Variants in TBCK observed in about 807,000 individuals in gnomAD.
TBCK encodes the protein TBC1 domain containing kinase, also known as TBC domain-containing protein kinase-like protein.
A neutral mutation model predicts 113.4 loss-of-function variants in TBCK; 99 were observed. The observed-to-expected ratio is 0.87, with a 90% CI of 0.74 to 1.03. TBCK has a LOEUF of 1.03. Ranked by LOEUF, TBCK falls within the 50% of genes least tolerant of loss-of-function variation. The pLI, the probability that TBCK is intolerant of heterozygous loss-of-function variation, is 0.00. For synonymous variants in TBCK, 369 were observed against 370.8 expected (o/e 1.00, Z 0.05); for missense variants, 1,045 against 1,061.3 (o/e 0.98, Z 0.21).
At chr4:106,201,430 T>C (rs1322055117) in intron 20 of TBCK, among the ~76,000 whole-genome samples, 1 of 152,100 alleles carries the variant, frequency 6.6e-6, no homozygotes, top group Non-Finnish European at 1.5e-5. Context: ...GAGATATTAT[T>C]AGCTATTTCC....
At chr4:106,128,716 G>A (rs1246920366) in intron 23 of TBCK, among the ~76,000 whole-genome samples, 1 of 152,074 alleles carries the variant, frequency 6.6e-6, no homozygotes, top group South Asian at 2.1e-4. Flanking sequence ...TTAGGGTAAT[G>A]TATATAAGTA....
chr4:106,175,326 A>T (rs1751533715), intron 22 of TBCK, among the ~76,000 whole-genome samples: 1 of 148,052 alleles, frequency 6.8e-6, no homozygotes, highest in Non-Finnish European at 1.5e-5. Flanking sequence ...GATTCTACAT[A>T]TTTACAAGAA....
chr4:106,251,561 T>C (rs1050561828), intron 6 of TBCK, among the ~76,000 whole-genome samples: 2 of 151,956 alleles, frequency 1.3e-5, no homozygotes, highest in African/African-American at 2.4e-5. Context: ...CTTTTAATGG[T>C]ACTCCATATA....
intron 22 of TBCK, among the ~76,000 whole-genome samples, chr4:106,184,489 C>A (rs565342370): frequency 6.2e-4 from 94 of 152,006 alleles, no homozygotes; most frequent in African/African-American, 2.2e-3. Context: ...TTACAGATTA[C>A]CACTGGATCA....
chr4:106,181,325 T>C (rs1194168242), intron 22 of TBCK, among the ~76,000 whole-genome samples: 1 of 152,230 alleles, frequency 6.6e-6, no homozygotes, highest in African/African-American at 2.4e-5. Flanking sequence ...GGTTGCCTGT[T>C]CACTCTGATG....
intron 23 of TBCK, chr4:106,164,483 A>T (rs958953324): frequency 2.0e-5 from 3 of 151,938 alleles, no homozygotes; most frequent in Non-Finnish European, 4.4e-5. Context: ...GAGAAAAATT[A>T]AAAAATGCTT....
At chr4:106,179,450 C>A (rs910416585) in intron 22 of TBCK, among the ~76,000 whole-genome samples, 2 of 151,892 alleles carry the variant, frequency 1.3e-5, no homozygotes, top group Non-Finnish European at 2.9e-5. Flanking sequence ...TTCATTTGCA[C>A]ATTTTCTGTT....
intron 3 of TBCK, among the ~76,000 whole-genome samples, chr4:106,286,752 A>G (rs904288474): frequency 6.6e-6 from 1 of 152,100 alleles, no homozygotes; most frequent in Non-Finnish European, 1.5e-5. Flanking sequence ...GCTTGAGCCC[A>G]GGAGGTCAAG....
At chr4:106,095,693 C>A (rs1379376311) in intron 24 of TBCK, 52 bp from the exon 25 acceptor site, 14 of 1,535,320 alleles carry the variant, frequency 9.1e-6, no homozygotes, top group Non-Finnish European at 1.2e-5. Flanking sequence ...TCCTGAGTGT[C>A]TGAGGGAAAC....
intron 20 of TBCK, among the ~76,000 whole-genome samples, chr4:106,205,601 A>AC (rs1309717567): frequency 4.7e-5 from 7 of 149,318 alleles, no homozygotes; most frequent in Non-Finnish European, 7.4e-5. Context: ...AAAAAAAAAA[A>AC]AAAAAAAAAA....
intron 19 of TBCK, among the ~76,000 whole-genome samples, chr4:106,224,770 T>G (rs1390059483): frequency 6.6e-6 from 1 of 152,178 alleles, no homozygotes; most frequent in African/African-American, 2.4e-5. Flanking sequence ...CATTTTACAC[T>G]CTTTTACTTC....
In TBCK at chr4:106,043,480, A is replaced by G. The variant is rs1301691946; in HGVS notation, c.*3090T>C. ...ATTTTATATTAATTGAGCATATCCA[A>G]TGTGGTGGGTTGCTGAAGGTAGCAA... On this transcript the variant is annotated 3_prime_UTR_variant, in exon 26 of 26. Transcript: ENST00000394708. 4 of 152,150 alleles carry G rather than the reference A, an allele frequency of 2.6e-5. No homozygotes were observed. The highest frequency in any genetic ancestry group is 9.7e-5 in the African/African-American group (4 of 41,430). 9.4% of individuals were successfully genotyped at this position (152,150 alleles called of 1,614,324 possible). A position where few individuals can be genotyped will look rare whatever the true frequency, so the allele number is the denominator to read the frequency against.
intron 3 of TBCK, among the ~76,000 whole-genome samples, chr4:106,280,439 C>G (rs1245423288): frequency 6.6e-6 from 1 of 151,988 alleles, no homozygotes; most frequent in Non-Finnish European, 1.5e-5. Context: ...TGATGTGATG[C>G]CATTTGTCCA....
At chr4:106,059,626 C>G (rs753894547) in intron 25 of TBCK, among the ~76,000 whole-genome samples, 7 of 151,622 alleles carry the variant, frequency 4.6e-5, no homozygotes, top group Middle Eastern at 3.4e-3. Flanking sequence ...CTCCCTATTT[C>G]CTGAGACACA....
In TBCK at chr4:106,284,432, T is replaced by C. The variant is rs150186218; in HGVS notation, c.266+10662A>G. Among the ~76,000 whole-genome samples, 10 of 152,248 alleles carry C rather than the reference T, an allele frequency of 6.6e-5. No homozygotes were observed. The East Asian group carries it at 1.9e-3, about 29-fold the overall frequency. ...AATTTGAGTAAGTCAGATCATGTTT[T>C]CCATCAGGCTAGTAAACAGCTGCAG... is the stretch of plus-strand genomic sequence containing the variant. On this transcript the variant is annotated intron_variant, in intron 3 of 25. Coordinates refer to ENST00000394708, the MANE Select transcript of TBCK (RefSeq NM_001163435.3).
intron 22 of TBCK, among the ~76,000 whole-genome samples, chr4:106,180,142 C>T (rs763494174): frequency 5.9e-5 from 9 of 151,796 alleles, no homozygotes; most frequent in African/African-American, 2.4e-5. Flanking sequence ...TTCTTGTAGA[C>T]AGCATATAGT....
chr4:106,154,562 A>G (rs998280527), intron 23 of TBCK, among the ~76,000 whole-genome samples: 1 of 152,134 alleles, frequency 6.6e-6, no homozygotes, highest in Non-Finnish European at 1.5e-5. Flanking sequence ...ATGGCTTAAC[A>G]CCACCGTCCT....
chr4:106,297,483 GC>G (rs907855704), intron 2 of TBCK, among the ~76,000 whole-genome samples: 1 of 152,004 alleles, frequency 6.6e-6, no homozygotes, highest in African/African-American at 2.4e-5. Context: ...CACAATCTGG[GC>G]CCAGCCAGCA....
At chr4:106,164,831 A>C (rs1437946388) in intron 23 of TBCK, among the ~76,000 whole-genome samples, 6 of 150,020 alleles carry the variant, frequency 4.0e-5, no homozygotes, top group African/African-American at 1.3e-4. Flanking sequence ...TATTTGAACC[A>C]AAAGTATAAA....
Sources: allele counts gnomAD v4.1 joint callset (sites outside exome capture counted in the v4.1 genomes callset), GRCh38; gene constraint gnomAD v4.1.1; transcripts MANE v1.5; gene names NCBI Gene and HGNC (gene_info 2026-07-23, HGNC 2026-07-21).